PRDM10: variants seen among roughly 807,000 people sequenced by gnomAD.
PRDM10 encodes PR/SET domain 10.
A neutral mutation model predicts 133.1 loss-of-function variants in PRDM10; 65 were observed. That is an observed-to-expected ratio of 0.49 (90% confidence interval 0.40 to 0.60). The LOEUF (loss-of-function observed/expected upper bound fraction) is 0.60, where lower values mean the gene tolerates loss of function less well. Among genes scored for constraint, PRDM10 ranks in the 20% least tolerant of loss-of-function variants. PRDM10 has a pLI of 0.00. For missense variants in PRDM10, 1,137 were observed against 1,507.1 expected (o/e 0.75, Z 4.07); for synonymous variants, 582 against 580.4 (o/e 1.00, Z -0.04).
chr11:129,899,947 A>G lies in PRDM10; in HGVS notation c.*2366T>C, dbSNP rs1949798989. ...TTGAAAGGATACTTCCAAGTCAGAA[A>G]ACAAGAAGATCAAAACAATAGGTTT... On this transcript the variant is annotated 3_prime_UTR_variant, in exon 21 of 21. Transcript: ENST00000360871. 1 of 152,656 alleles carries G rather than the reference A, an allele frequency of 6.6e-6. No homozygotes were observed. The highest frequency in any genetic ancestry group is 2.4e-5 in the African/African-American group (1 of 41,460). 9.5% of individuals were successfully genotyped at this position (152,656 alleles called of 1,614,324 possible).
intron 11 of PRDM10, among the ~76,000 whole-genome samples, chr11:129,930,096 C>T (rs1013552316): frequency 1.4e-4 from 22 of 152,152 alleles, no homozygotes; most frequent in Non-Finnish European, 2.8e-4. Context: ...AAGGCATGGA[C>T]TAGACTATTT....
At chr11:129,965,866 G>A (rs1951897362) in intron 1 of PRDM10, among the ~76,000 whole-genome samples, 1 of 152,028 alleles carries the variant, frequency 6.6e-6, no homozygotes. Flanking sequence ...GACAAATCTG[G>A]GTTCTGAGCT....
chr11:129,950,307 G>A (rs1951549600), intron 4 of PRDM10, among the ~76,000 whole-genome samples: 1 of 152,182 alleles, frequency 6.6e-6, no homozygotes, highest in South Asian at 2.1e-4. Context: ...CAACGGCTGT[G>A]TAAGAGCGTT....
At chr11:129,922,882 C>G (rs988380985) in intron 13 of PRDM10, among the ~76,000 whole-genome samples, 3 of 152,152 alleles carry the variant, frequency 2.0e-5, no homozygotes, top group Non-Finnish European at 4.4e-5. Context: ...GGCTCAATTA[C>G]GGGCTCTTAT....
rs759808623 is a variant in PRDM10 at position 129,945,264 on chromosome 11, C to A, written c.521-252G>T. ...ACAACTAGCAGGCCATGACTGACTT[C>A]TTTGCTGGAGAGTCCTTTGAATAGT... On this transcript the variant is annotated intron_variant, in intron 5 of 20. Coordinates refer to ENST00000360871, the MANE Select transcript of PRDM10 (RefSeq NM_199437.2). The surrounding 1 kb of genome is among the most constrained non-coding windows in gnomAD (Gnocchi z 4.2). Among the ~76,000 whole-genome samples the A allele has an allele frequency of 6.6e-6, 1 of 152,190 alleles. No individual in the cohort carries two copies. Among genetic ancestry groups the A allele is most frequent in the Non-Finnish European group, 1.5e-5 (1 of 68,026 alleles).
At chr11:130,001,346 GA>G (rs1324057869) in intron 1 of PRDM10, among the ~76,000 whole-genome samples, 1 of 152,138 alleles carries the variant, frequency 6.6e-6, no homozygotes, top group Non-Finnish European at 1.5e-5. Flanking sequence ...AGGAGTGATA[GA>G]AACAAAGAGA....
chr11:129,970,122 G>A (rs1951986769), intron 1 of PRDM10, among the ~76,000 whole-genome samples: 1 of 152,166 alleles, frequency 6.6e-6, no homozygotes, highest in African/African-American at 2.4e-5. Context: ...TGAAGACATA[G>A]CACCATGAAA....
Position 129,914,779 on chromosome 11 carries a change from G to A in PRDM10, c.2766C>T (p.Tyr922=), listed in dbSNP as rs1237213249. 2 of 1,614,232 alleles carry A rather than the reference G, an allele frequency of 1.2e-6. No individual in the cohort carries two copies. Among genetic ancestry groups the A allele is most frequent in the Non-Finnish European group, 8.5e-7 (1 of 1,180,052 alleles). The part of the protein sequence containing the change: ...TPQGDYQRIQ[Y]IPVSQSASGL... ...CAGACGCCGACTGCGACACAGGGATGTACTGAATTCTCTGGTAATCCCCTT... is the reference window on the plus strand; with the variant it reads ...CAGACGCCGACTGCGACACAGGGATATACTGAATTCTCTGGTAATCCCCTT... The change falls in exon 17 of 21, where the codon TAC becomes TAT. Residue 922 remains tyrosine, a synonymous_variant. Coordinates refer to ENST00000360871, the MANE Select transcript of PRDM10 (RefSeq NM_199437.2).
chr11:130,000,832 C>A (rs959083780), intron 1 of PRDM10, among the ~76,000 whole-genome samples: 2 of 152,172 alleles, frequency 1.3e-5, no homozygotes, highest in African/African-American at 4.8e-5. Flanking sequence ...AAAGGCCGAG[C>A]GCGGGGGCCC....
rs138846791 is a variant in PRDM10, at chr11:129,917,797, C to T, written c.2215-560G>A. ...CCCTGCTTTGACGGAAAGCTTCCTTCTACTGCTGTTTGATATCTGGAAAAG... is the reference window on the plus strand; with the variant it reads ...CCCTGCTTTGACGGAAAGCTTCCTTTTACTGCTGTTTGATATCTGGAAAAG... On this transcript the variant is annotated intron_variant, in intron 14 of 20. Transcript: ENST00000360871. 3.3e-4 allele frequency among the ~76,000 whole-genome samples: 51 copies of T among 152,338 alleles called. No homozygotes were observed. The East Asian group carries it at 9.8e-3, about 29-fold the overall frequency.
At chr11:129,974,226 G>T (rs1937637462) in intron 1 of PRDM10, among the ~76,000 whole-genome samples, 1 of 152,156 alleles carries the variant, frequency 6.6e-6, no homozygotes, top group Non-Finnish European at 1.5e-5. Context: ...ACTTATATAT[G>T]TTACATGAAA....
intron 8 of PRDM10, among the ~76,000 whole-genome samples, chr11:129,936,108 G>A (rs991116926): frequency 2.6e-5 from 4 of 152,084 alleles, no homozygotes; most frequent in Admixed American, 6.5e-5. Flanking sequence ...TCATGCCTAC[G>A]TAATGATGTC....
chr11:129,948,818 C>T (rs1357319678), intron 4 of PRDM10, among the ~76,000 whole-genome samples: 4 of 152,192 alleles, frequency 2.6e-5, no homozygotes, highest in Non-Finnish European at 4.4e-5. Flanking sequence ...TTTATTAATA[C>T]AACATCAGGG....
At chr11:129,909,318 C>T (rs562084228) in intron 19 of PRDM10, among the ~76,000 whole-genome samples, 5 of 151,722 alleles carry the variant, frequency 3.3e-5, no homozygotes, top group African/African-American at 4.8e-5. Flanking sequence ...GGCGTGGTGG[C>T]GGGTGCCTGT....
chr11:129,944,902 C>T lies in PRDM10; in HGVS notation c.631G>A (p.Val211Met). The T allele has an allele frequency of 6.2e-7, 1 of 1,614,090 alleles. No homozygotes were observed. The highest frequency in any genetic ancestry group is 8.5e-7 in the Non-Finnish European group (1 of 1,180,038). ...LTRARASLPLVLYIDRFLGGV... is the reference protein window; with the variant it reads ...LTRARASLPLMLYIDRFLGGV... ...CCCAGAAACCTGTCTATGTAGAGCA[C>T]CAGGGGGAGGCTCGCCCTGGCCCGG... The change falls in exon 6 of 21, where the codon GTG becomes ATG. Residue 211 changes from valine (V) to methionine (M), a missense_variant. This residue lies in a region of PRDM10 where 635 missense variants were observed against 835.2 expected (regional missense o/e 0.76). Coordinates refer to ENST00000360871, the MANE Select transcript of PRDM10 (RefSeq NM_199437.2).
At position 129,947,524 on chromosome 11, in the gene PRDM10, G is replaced by A. The variant is rs573716785; in HGVS notation, c.295-154C>T. 2.7e-5 allele frequency: 40 copies of A among 1,502,052 alleles called. No homozygotes were observed. The highest frequency in any genetic ancestry group is 2.1e-4 in the African/African-American group (15 of 71,824). The allele number at this position is 1,502,052 out of a possible 1,614,324, so 93.0% of individuals were successfully genotyped here. A position where few individuals can be genotyped will look rare whatever the true frequency, so the allele number is the denominator to read the frequency against. ...CCTGGAAAAATGACTTCCATCTACC[G>A]GCTGTGAGGAAGAGCTGGCTTCATT... is the stretch of plus-strand genomic sequence containing the variant. On this transcript the variant is annotated intron_variant, in intron 4 of 20. Transcript: ENST00000360871. This position sits in a 1 kb window ranked among gnomAD's most constrained non-coding sequence, Gnocchi z 4.6.
intron 4 of PRDM10, among the ~76,000 whole-genome samples, chr11:129,950,648 C>T (rs1323926726): frequency 6.6e-6 from 1 of 152,194 alleles, no homozygotes; most frequent in Non-Finnish European, 1.5e-5. Context: ...CAGAGCACAG[C>T]TTACAATACT....
intron 1 of PRDM10, among the ~76,000 whole-genome samples, chr11:129,972,337 C>T (rs190224376): frequency 2.6e-5 from 4 of 152,336 alleles, no homozygotes; most frequent in African/African-American, 9.6e-5. Flanking sequence ...GAGGAGGTGC[C>T]GAGAGCGAGC....
At chr11:129,975,777 C>G (rs1000672058) in intron 1 of PRDM10, among the ~76,000 whole-genome samples, 1 of 152,174 alleles carries the variant, frequency 6.6e-6, no homozygotes, top group South Asian at 2.1e-4. Flanking sequence ...CCTCGAAGTG[C>G]TGGGAGCCAG....
Sources: allele counts gnomAD v4.1 joint callset (sites outside exome capture counted in the v4.1 genomes callset), GRCh38; gene constraint gnomAD v4.1.1; regional missense constraint gnomAD v4.1.1; non-coding constraint Gnocchi (gnomAD v3.1); transcripts MANE v1.5; gene names NCBI Gene and HGNC (gene_info 2026-07-23, HGNC 2026-07-21).